The following ADK variants were observed in gnomAD, a reference collection of about 807,000 sequenced individuals.
ADK encodes the protein adenosine kinase.
Under a neutral mutation model 44.7 loss-of-function variants are expected in ADK, and 24 were observed. The ratio of observed to expected loss-of-function variants is 0.54; its 90% CI spans 0.39 to 0.76. ADK has a LOEUF of 0.76. ADK is among the 30% of genes least tolerant of loss of function. The pLI is 0.00. For synonymous variants in ADK, 128 were observed against 142.6 expected (o/e 0.90, Z 0.73); for missense variants, 321 against 425.1 (o/e 0.76, Z 2.15).
intron 1 of ADK, among the ~76,000 whole-genome samples, chr10:74,152,261 G>A (rs1841618816): frequency 6.6e-6 from 1 of 152,196 alleles, no homozygotes; most frequent in Admixed American, 6.5e-5. Flanking sequence ...TAGGGGCCTG[G>A]TGGTGTGTTC....
intron 9 of ADK, among the ~76,000 whole-genome samples, chr10:74,621,015 G>A (rs905057825): frequency 6.6e-6 from 1 of 151,912 alleles, no homozygotes; most frequent in African/African-American, 2.4e-5. Context: ...TATTCCATAG[G>A]TTATCTTTTC....
At chr10:74,525,191 T>C in intron 6 of ADK, 65 bp from the exon 7 acceptor site, 3 of 1,490,432 alleles carry the variant, frequency 2.0e-6, no homozygotes, top group Non-Finnish European at 1.9e-6. Context: ...AGGTTTCTTT[T>C]ATTCTCACTG....
chr10:74,197,561 G>A (rs1057423924), intron 1 of ADK, among the ~76,000 whole-genome samples: 8 of 152,034 alleles, frequency 5.3e-5, no homozygotes, highest in African/African-American at 1.9e-4. Context: ...TTAGCCAGGC[G>A]TGGTGGTGGG....
At chr10:74,652,285 C>T (rs1854303610) in intron 9 of ADK, among the ~76,000 whole-genome samples, 1 of 151,104 alleles carries the variant, frequency 6.6e-6, no homozygotes, top group South Asian at 2.1e-4. Flanking sequence ...CTCAGGTGAT[C>T]CACCCACCTT....
At chr10:74,671,278 A>G (rs1855172107) in intron 10 of ADK, among the ~76,000 whole-genome samples, 1 of 150,550 alleles carries the variant, frequency 6.6e-6, no homozygotes, top group African/African-American at 2.4e-5. Flanking sequence ...GCTCACTGCA[A>G]CCTCCACCTC....
chr10:74,661,667 T>C (rs1310672944), intron 9 of ADK, among the ~76,000 whole-genome samples: 1 of 152,238 alleles, frequency 6.6e-6, no homozygotes, highest in African/African-American at 2.4e-5. Context: ...TCTATTCCTC[T>C]TGGGACATAC....
At chr10:74,317,920 T>C (rs1432484512) in intron 4 of ADK, among the ~76,000 whole-genome samples, 3 of 152,120 alleles carry the variant, frequency 2.0e-5, no homozygotes, top group Non-Finnish European at 4.4e-5. Context: ...TAGCTGGGAC[T>C]ATAGGTGTAT....
chr10:74,192,149 A>G (rs1206863919), intron 1 of ADK, among the ~76,000 whole-genome samples: 5 of 152,202 alleles, frequency 3.3e-5, no homozygotes, highest in African/African-American at 9.6e-5. Context: ...TGGGTGTACC[A>G]TAGTTTGTTT....
chr10:74,287,089 T>A (rs1337718927), intron 3 of ADK, among the ~76,000 whole-genome samples: 1 of 152,176 alleles, frequency 6.6e-6, no homozygotes, highest in Non-Finnish European at 1.5e-5. Flanking sequence ...TGAATCTAGC[T>A]GGTCTAATTT....
At chr10:74,472,265 GT>G (rs901484431) in intron 6 of ADK, among the ~76,000 whole-genome samples, 1 of 152,050 alleles carries the variant, frequency 6.6e-6, no homozygotes, top group Non-Finnish European at 1.5e-5. Flanking sequence ...AAAGCTTTCT[GT>G]TTTTTACCAT....
rs185890904 is a variant in ADK, at chr10:74,564,252, C to T, written c.727-25030C>T. Among the ~76,000 whole-genome samples, 234 of 152,082 alleles carry T rather than the reference C, an allele frequency of 1.5e-3. 1 individual carries two copies. Among genetic ancestry groups the T allele is most frequent in the African/African-American group, 5.1e-3 (210 of 41,480 alleles). On this transcript the variant is annotated intron_variant, in intron 7 of 10. Coordinates refer to ENST00000539909, the MANE Select transcript of ADK (RefSeq NM_006721.4). ...GAATCTCAGAAATCCCCCAGAAAGA[C>T]GATTTAAGTTAAATGCACCCATCAA...
At chr10:74,425,371 T>G (rs1273217121) in intron 6 of ADK, among the ~76,000 whole-genome samples, 1 of 152,224 alleles carries the variant, frequency 6.6e-6, no homozygotes, top group Non-Finnish European at 1.5e-5. Context: ...ACTCTTACAC[T>G]AAACATGTAT....
intron 9 of ADK, among the ~76,000 whole-genome samples, chr10:74,647,769 T>A (rs1854106336): frequency 2.0e-5 from 3 of 152,212 alleles, no homozygotes; most frequent in African/African-American, 7.2e-5. Flanking sequence ...TACAAATTAA[T>A]GTTCCATAAT....
At chr10:74,568,361 A>G (rs1038843180) in intron 7 of ADK, among the ~76,000 whole-genome samples, 2 of 152,128 alleles carry the variant, frequency 1.3e-5, no homozygotes, top group African/African-American at 2.4e-5. Flanking sequence ...GTCAGCATCA[A>G]TGTTGAGAAC....
intron 4 of ADK, among the ~76,000 whole-genome samples, chr10:74,367,394 T>A (rs1842529325): frequency 6.6e-6 from 1 of 152,188 alleles, no homozygotes; most frequent in Non-Finnish European, 1.5e-5. Context: ...TCCATGAAAT[T>A]ACAGTTTTTT....
intron 9 of ADK, among the ~76,000 whole-genome samples, chr10:74,647,232 A>G (rs1259975681): frequency 6.6e-6 from 1 of 152,176 alleles, no homozygotes; most frequent in African/African-American, 2.4e-5. Context: ...AAGGAAGGAA[A>G]AAAAAGATAG....
intron 6 of ADK, among the ~76,000 whole-genome samples, chr10:74,521,425 G>C (rs1052837126): frequency 6.6e-6 from 1 of 152,078 alleles, no homozygotes; most frequent in African/African-American, 2.4e-5. Flanking sequence ...TAGACTCCAG[G>C]GGCACAGTGT....
intron 4 of ADK, among the ~76,000 whole-genome samples, chr10:74,338,266 G>A (rs538666415): frequency 1.0e-3 from 156 of 152,266 alleles, no homozygotes; most frequent in Non-Finnish European, 1.9e-3. Context: ...TGTGGATAGC[G>A]AAAGTAAAAA....
At chr10:74,493,565 A>G (rs1847572184) in intron 6 of ADK, among the ~76,000 whole-genome samples, 1 of 151,702 alleles carries the variant, frequency 6.6e-6, no homozygotes, top group South Asian at 2.1e-4. Context: ...ATCTGTATAT[A>G]TATAGATGAG....
Sources: allele counts gnomAD v4.1 joint callset (sites outside exome capture counted in the v4.1 genomes callset), GRCh38; gene constraint gnomAD v4.1.1; transcripts MANE v1.5; gene names NCBI Gene and HGNC (gene_info 2026-07-23, HGNC 2026-07-21).